Variants in CSMD1 observed in about 807,000 individuals in gnomAD.
CSMD1 encodes the protein CUB and sushi domain-containing protein 1.
A neutral mutation model predicts 417.5 loss-of-function variants in CSMD1; 213 were observed. That is an observed-to-expected ratio of 0.51 (90% CI 0.46 to 0.57). The LOEUF is 0.57. CSMD1 is among the 20% of genes least tolerant of loss of function. The pLI is 0.00. For missense variants in CSMD1, 6,923 were observed against 4,529.7 expected, an observed-to-expected ratio of 1.53 and a Z score of -15.17; for synonymous variants, 2,862 against 1,736.8, an observed-to-expected ratio of 1.65 and a Z score of -16.11.
intron 3 of CSMD1, among the ~76,000 whole-genome samples, chr8:4,120,607 C>G (rs1021400147): frequency 1.3e-5 from 2 of 152,192 alleles, no homozygotes; most frequent in Non-Finnish European, 2.9e-5. Context: ...TTTTGGGTGC[C>G]AAATAGACAG....
chr8:4,632,855 A>G (rs1802605669), intron 2 of CSMD1, among the ~76,000 whole-genome samples: 1 of 152,114 alleles, frequency 6.6e-6, no homozygotes, highest in Admixed American at 6.5e-5. Context: ...GTAGAGGGAG[A>G]GGCCGGGAAT....
chr8:3,729,078 G>A (rs1351943301), intron 6 of CSMD1, among the ~76,000 whole-genome samples: 1 of 152,180 alleles, frequency 6.6e-6, no homozygotes, highest in Non-Finnish European at 1.5e-5. Context: ...CACGTGATCT[G>A]AACATGTCAG....
Position 4,167,294 on chromosome 8 carries a change from T to C in CSMD1, c.416-135195A>G, listed in dbSNP as rs79065573. 2.6e-5 allele frequency among the ~76,000 whole-genome samples: 4 copies of C among 152,286 alleles called. No homozygotes were observed. The East Asian group carries it at 7.7e-4, about 29-fold the overall frequency. On this transcript the variant is annotated intron_variant, in intron 3 of 69. Transcript: ENST00000635120. Reference sequence around the variant, plus strand: ...TTGCAGTTTAGAAAATTCGTGTCTATAACAGAAAGCATTCTTACGTAACTT... The same window carrying C: ...TTGCAGTTTAGAAAATTCGTGTCTACAACAGAAAGCATTCTTACGTAACTT...
At chr8:2,957,071 AGAGT>A (rs1388763943) in intron 63 of CSMD1, among the ~76,000 whole-genome samples, 2 of 152,256 alleles carry the variant, frequency 1.3e-5, no homozygotes, top group African/African-American at 2.4e-5. Flanking sequence ...CACTAAATTC[AGAGT>A]GAGTGAAATG....
intron 3 of CSMD1, among the ~76,000 whole-genome samples, chr8:4,294,310 A>G (rs537826553): frequency 1.2e-4 from 19 of 152,294 alleles, no homozygotes; most frequent in African/African-American, 4.3e-4. Context: ...CCTTTTAATA[A>G]ATAATACGTG....
chr8:4,037,627 T>C (rs1200723011), intron 3 of CSMD1, among the ~76,000 whole-genome samples: 2 of 130,796 alleles, frequency 1.5e-5, no homozygotes, highest in Non-Finnish European at 3.3e-5. Flanking sequence ...CTCTTATATT[T>C]ATCAGGTGTG....
intron 23 of CSMD1, among the ~76,000 whole-genome samples, chr8:3,310,405 C>A (rs1341207329): frequency 6.6e-6 from 1 of 152,198 alleles, no homozygotes; most frequent in Non-Finnish European, 1.5e-5. Context: ...TCCTGCCCAG[C>A]ATTGGGGATG....
intron 3 of CSMD1, among the ~76,000 whole-genome samples, chr8:4,365,436 G>C (rs73508657): frequency 0.045 from 6,838 of 152,150 alleles, 378 homozygotes; most frequent in African/African-American, 0.13. Flanking sequence ...AAAAATAAAA[G>C]ACAACATTTC....
intron 10 of CSMD1, among the ~76,000 whole-genome samples, chr8:3,562,823 G>C (rs974504942): frequency 2.1e-4 from 32 of 151,912 alleles, no homozygotes; most frequent in African/African-American, 7.5e-4. Context: ...AGGCGCACTA[G>C]GCTTATTTAC....
chr8:4,253,721 C>T (rs1250724429), intron 3 of CSMD1, among the ~76,000 whole-genome samples: 1 of 151,452 alleles, frequency 6.6e-6, no homozygotes, highest in African/African-American at 2.4e-5. Flanking sequence ...TGCTTAACTA[C>T]ACACATCAAT....
At chr8:4,289,576 T>G (rs574775924) in intron 3 of CSMD1, among the ~76,000 whole-genome samples, 2 of 152,268 alleles carry the variant, frequency 1.3e-5, no homozygotes, top group African/African-American at 4.8e-5. Context: ...TCATCACATT[T>G]TGTCCAGGTC....
At chr8:4,817,767 C>T (rs544879795) in intron 1 of CSMD1, among the ~76,000 whole-genome samples, 79 of 152,310 alleles carry the variant, frequency 5.2e-4, no homozygotes, top group African/African-American at 1.8e-3. Flanking sequence ...TGAGTAGGTA[C>T]TCTCAATGTG....
chr8:3,319,417 G>A (rs762293513), intron 23 of CSMD1, among the ~76,000 whole-genome samples: 6 of 152,094 alleles, frequency 3.9e-5, no homozygotes, highest in Admixed American at 6.6e-5. Flanking sequence ...AAACATAATT[G>A]AAAACAGAGT....
intron 25 of CSMD1, among the ~76,000 whole-genome samples, chr8:3,298,955 A>C (rs928571700): frequency 1.3e-5 from 2 of 152,158 alleles, no homozygotes; most frequent in Non-Finnish European, 2.9e-5. Flanking sequence ...GCTATATGCT[A>C]ATGAGAAGCT....
intron 1 of CSMD1, among the ~76,000 whole-genome samples, chr8:4,886,750 T>C (rs967577869): frequency 6.6e-6 from 1 of 152,028 alleles, no homozygotes; most frequent in Non-Finnish European, 1.5e-5. Flanking sequence ...CTAGGACTTC[T>C]AAAAAAATTT....
intron 3 of CSMD1, among the ~76,000 whole-genome samples, chr8:4,228,037 C>G (rs1268040725): frequency 6.6e-6 from 1 of 151,914 alleles, no homozygotes; most frequent in Non-Finnish European, 1.5e-5. Context: ...ACATTAAATC[C>G]CACACCAGGA....
intron 3 of CSMD1, among the ~76,000 whole-genome samples, chr8:4,127,261 C>T (rs1199413890): frequency 6.6e-6 from 1 of 151,976 alleles, no homozygotes; most frequent in African/African-American, 2.4e-5. Flanking sequence ...CTACAGGCCC[C>T]GCTCCAGGTT....
intron 3 of CSMD1, among the ~76,000 whole-genome samples, chr8:4,142,983 A>C (rs1803880841): frequency 7.5e-6 from 1 of 134,148 alleles, no homozygotes; most frequent in East Asian, 2.2e-4. Flanking sequence ...TTAGTTTTCA[A>C]ACTGATTGAA....
chr8:3,367,972 G>C (rs1809709845), intron 19 of CSMD1, among the ~76,000 whole-genome samples: 1 of 151,988 alleles, frequency 6.6e-6, no homozygotes, highest in Non-Finnish European at 1.5e-5. Context: ...CTGCATAACC[G>C]AGGAAAAACT....
Sources: gnomAD v4.1 joint callset for allele counts (sites outside exome capture counted in the v4.1 genomes callset) on GRCh38, gnomAD v4.1.1 for gene constraint, MANE v1.5 for transcripts, NCBI Gene and HGNC (gene_info 2026-07-23, HGNC 2026-07-21) for gene names.